MACROD2: variants seen among roughly 807,000 people sequenced by gnomAD.
MACROD2 encodes the protein mono-ADP ribosylhydrolase 2.
MACROD2 carries 36 observed loss-of-function variants against 70.4 expected under a neutral mutation model. The observed-to-expected ratio is 0.51, with a 90% CI of 0.39 to 0.68. The LOEUF is 0.68. Among genes scored for constraint, MACROD2 ranks in the 30% least tolerant of loss-of-function variants. The pLI is 0.00. For missense variants in MACROD2, 496 were observed against 538.4 expected (o/e 0.92, Z 0.78); for synonymous variants, 172 against 178.8 (o/e 0.96, Z 0.30).
Position 14,952,701 on chromosome 20 carries a change from AT to A in MACROD2, c.418+267749del, listed in dbSNP as rs554591373. 2.0e-3 allele frequency among the ~76,000 whole-genome samples: 306 copies of A among 152,156 alleles called. 1 individual carries two copies. The highest frequency in any genetic ancestry group is 2.5e-3 in the Non-Finnish European group (168 of 67,986). On this transcript the variant is annotated intron_variant, in intron 5 of 17. Coordinates refer to ENST00000684519, the MANE Select transcript of MACROD2 (RefSeq NM_001351661.2). ...CATCATATATCATCAGTGGAAATAT[AT>A]TTTTTTCATATTTTATATGTATACA... is the stretch of plus-strand genomic sequence containing the variant.
chr20:15,325,010 C>T (rs2077912783), intron 6 of MACROD2, among the ~76,000 whole-genome samples: 1 of 141,568 alleles, frequency 7.1e-6, no homozygotes, highest in South Asian at 2.5e-4. Flanking sequence ...ACAAAGTGTT[C>T]ATCTTTGGAC....
At chr20:14,441,406 T>C (rs2122958592) in intron 3 of MACROD2, among the ~76,000 whole-genome samples, 1 of 152,216 alleles carries the variant, frequency 6.6e-6, no homozygotes, top group East Asian at 1.9e-4. Flanking sequence ...CAAGATCTTG[T>C]GCAATAATAA....
rs1210010877 is a variant in MACROD2 at position 14,401,572 on chromosome 20, T to C, written c.272-91907T>C. The stretch of plus-strand genomic sequence containing the variant: ...ATTTCTTCTTGGGTGTTAATTGCCT[T>C]TTTTGACAACCATTCATCCAATCAG... On this transcript the variant is annotated intron_variant, in intron 3 of 17. Coordinates refer to ENST00000684519, the MANE Select transcript of MACROD2 (RefSeq NM_001351661.2). Among the ~76,000 whole-genome samples the C allele has an allele frequency of 2.0e-5, 3 of 152,208 alleles. No homozygotes were observed. In the East Asian group the frequency reaches 5.8e-4, roughly 29 times the overall value.
At chr20:14,759,674 A>AAATT (rs2071988554) in intron 5 of MACROD2, among the ~76,000 whole-genome samples, 4 of 152,146 alleles carry the variant, frequency 2.6e-5, no homozygotes, top group Admixed American at 2.0e-4. Context: ...AAAAGCACAA[A>AAATT]AATTACCTTA....
intron 6 of MACROD2, among the ~76,000 whole-genome samples, chr20:15,286,458 G>A (rs1053787208): frequency 2.0e-5 from 3 of 150,160 alleles, no homozygotes; most frequent in East Asian, 1.9e-4. Context: ...CTCTTCTAAA[G>A]TCTGGGGACA....
At chr20:15,634,318 G>C (rs1300757254) in intron 8 of MACROD2, among the ~76,000 whole-genome samples, 2 of 152,184 alleles carry the variant, frequency 1.3e-5, no homozygotes, top group Admixed American at 6.5e-5. Flanking sequence ...AGATGTAAGA[G>C]TCAATTTCCT....
intron 15 of MACROD2, among the ~76,000 whole-genome samples, chr20:16,029,493 C>G (rs978869444): frequency 2.0e-5 from 3 of 152,152 alleles, no homozygotes; most frequent in Admixed American, 6.5e-5. Flanking sequence ...AGAAGTAAAA[C>G]AGGCAAGCAA....
intron 3 of MACROD2, among the ~76,000 whole-genome samples, chr20:14,311,350 G>T (rs2082565340): frequency 6.6e-6 from 1 of 152,128 alleles, no homozygotes; most frequent in Admixed American, 6.5e-5. Context: ...TGCGGTACAG[G>T]TTTGCAGCCT....
At chr20:14,496,327 T>C (rs1288730933) in intron 4 of MACROD2, among the ~76,000 whole-genome samples, 3 of 152,216 alleles carry the variant, frequency 2.0e-5, no homozygotes, top group African/African-American at 7.2e-5. Context: ...TCCCCTTCTT[T>C]AGATCCTCAG....
At chr20:15,064,289 G>A (rs2075556809) in intron 5 of MACROD2, among the ~76,000 whole-genome samples, 1 of 152,130 alleles carries the variant, frequency 6.6e-6, no homozygotes, top group Non-Finnish European at 1.5e-5. Context: ...TGATTTTAGA[G>A]GCAAAGCTAG....
At chr20:14,450,291 A>G (rs140201544) in intron 3 of MACROD2, among the ~76,000 whole-genome samples, 3 of 152,158 alleles carry the variant, frequency 2.0e-5, no homozygotes, top group African/African-American at 7.2e-5. Context: ...TAAGAAGTAC[A>G]CATTGGGCTA....
At chr20:14,421,895 A>G (rs68026476) in intron 3 of MACROD2, among the ~76,000 whole-genome samples, 45,535 of 151,962 alleles carry the variant, frequency 0.3, 7,948 homozygotes, top group South Asian at 0.59. Flanking sequence ...TATTCTGTAT[A>G]TGTGTGTTAG....
intron 5 of MACROD2, among the ~76,000 whole-genome samples, chr20:14,991,959 C>T (rs1277519332): frequency 2.0e-5 from 3 of 152,164 alleles, no homozygotes; most frequent in East Asian, 3.8e-4. Flanking sequence ...ATCCAAAAGA[C>T]ATTTATTGAT....
intron 6 of MACROD2, among the ~76,000 whole-genome samples, chr20:15,358,787 G>A (rs1050761428): frequency 6.6e-6 from 1 of 150,872 alleles, no homozygotes; most frequent in Admixed American, 6.6e-5. Flanking sequence ...CCCTCCAGAT[G>A]GCGAAGAAGA....
At chr20:15,283,745 A>C (rs1183070539) in intron 6 of MACROD2, among the ~76,000 whole-genome samples, 2 of 152,170 alleles carry the variant, frequency 1.3e-5, no homozygotes, top group African/African-American at 4.8e-5. Context: ...AAAAATAATT[A>C]TAAAAATTAC....
chr20:15,656,544 C>A (rs1193578689), intron 8 of MACROD2, among the ~76,000 whole-genome samples: 4 of 152,038 alleles, frequency 2.6e-5, no homozygotes, highest in African/African-American at 9.7e-5. Flanking sequence ...GATAAAGGAG[C>A]AATTAGAATC....
chr20:14,189,879 G>T (rs532920087), intron 3 of MACROD2, among the ~76,000 whole-genome samples: 1 of 152,208 alleles, frequency 6.6e-6, no homozygotes, highest in South Asian at 2.1e-4. Flanking sequence ...GAAGCTCATT[G>T]GCATAGAAAC....
intron 8 of MACROD2, among the ~76,000 whole-genome samples, chr20:15,635,927 G>A (rs1170170373): frequency 6.6e-6 from 1 of 151,750 alleles, no homozygotes; most frequent in African/African-American, 2.4e-5. Context: ...AATTAGCTGG[G>A]CGTGGTGGTG....
chr20:14,643,063 T>G (rs1322695472), intron 4 of MACROD2, among the ~76,000 whole-genome samples: 1 of 152,068 alleles, frequency 6.6e-6, no homozygotes, highest in African/African-American at 2.4e-5. Flanking sequence ...TTAGAAAACA[T>G]TAGTATTTTT....
Sources: allele counts gnomAD v4.1 joint callset (sites outside exome capture counted in the v4.1 genomes callset), GRCh38; gene constraint gnomAD v4.1.1; transcripts MANE v1.5; gene names NCBI Gene and HGNC (gene_info 2026-07-23, HGNC 2026-07-21).